The following NCOR2 variants were observed in gnomAD, a reference collection of about 807,000 sequenced individuals.
The protein encoded by NCOR2 is CTG repeat protein 26.
A neutral mutation model predicts 262.9 loss-of-function variants in NCOR2; 81 were observed. That is an observed-to-expected ratio of 0.31 (90% CI 0.26 to 0.37). The LOEUF is 0.37. NCOR2 is among the 10% of genes least tolerant of loss of function. NCOR2 has a pLI of 1.00. For missense variants in NCOR2, 3,385 were observed against 3,621.4 expected, an observed-to-expected ratio of 0.93 and a Z score of 1.68; for synonymous variants, 1,659 against 1,559.3, an observed-to-expected ratio of 1.06 and a Z score of -1.51.
intron 5 of NCOR2, among the ~76,000 whole-genome samples, chr12:124,460,240 T>C (rs2046095002): frequency 6.6e-6 from 1 of 152,230 alleles, no homozygotes; most frequent in Admixed American, 6.5e-5. Context: ...AGTGTCTGGC[T>C]CACAGTGGAT....
chr12:124,528,907 C>G (rs772765295), intron 1 of NCOR2, among the ~76,000 whole-genome samples: 1 of 152,172 alleles, frequency 6.6e-6, no homozygotes, highest in Non-Finnish European at 1.5e-5. Context: ...CCTCTGGGCG[C>G]GGTGGCTCAC....
upstream of NCOR2, among the ~76,000 whole-genome samples, chr12:124,498,128 C>G (rs1210251307): frequency 6.6e-6 from 1 of 152,238 alleles, no homozygotes; most frequent in East Asian, 1.9e-4. Flanking sequence ...GCCCCTCTTT[C>G]AAGGGCACCA....
intron 8 of NCOR2, among the ~76,000 whole-genome samples, chr12:124,433,876 ACACACACAC>A (rs2044154596): frequency 9.8e-6 from 1 of 101,608 alleles, no homozygotes; most frequent in African/African-American, 4.6e-5. Flanking sequence ...ACACACACAC[ACACACACAC>A]ACACACACAC....
At chr12:124,535,383 G>A (rs1226215227) in intron 1 of NCOR2, among the ~76,000 whole-genome samples, 182 bp downstream of exon 2, 1 of 152,206 alleles carries the variant, frequency 6.6e-6, no homozygotes, top group Non-Finnish European at 1.5e-5. Flanking sequence ...CCCGCAAACT[G>A]CCCTAAGTTG....
At chr12:124,476,448 G>C (rs1263321987) in intron 3 of NCOR2, among the ~76,000 whole-genome samples, 1 of 152,220 alleles carries the variant, frequency 6.6e-6, no homozygotes, top group Non-Finnish European at 1.5e-5. Flanking sequence ...AGAGATAACA[G>C]AGCAAGGACA....
At chr12:124,466,118 T>C (rs927574726) in intron 5 of NCOR2, 55 bp downstream of exon 7, 52 of 1,509,220 alleles carry the variant, frequency 3.4e-5, no homozygotes, top group Non-Finnish European at 6.3e-6. Context: ...GTGCCCCCTG[T>C]GAAGCGCCTC....
chr12:124,344,128 C>G (rs749629204), intron 32 of NCOR2, among the ~76,000 whole-genome samples: 2 of 152,082 alleles, frequency 1.3e-5, no homozygotes, highest in Admixed American at 6.6e-5. Flanking sequence ...CTGAATTGAC[C>G]GAGCTAAGCA....
At chr12:124,416,376 C>T (rs1324225243) in intron 13 of NCOR2, among the ~76,000 whole-genome samples, 4 of 152,230 alleles carry the variant, frequency 2.6e-5, no homozygotes, top group Admixed American at 6.5e-5. Flanking sequence ...TGAAGACACG[C>T]GCTGTCTCTC....
chr12:124,336,977 G>C (rs774145486), exon 38 of NCOR2: 229 of 1,518,630 alleles, frequency 1.5e-4, no homozygotes, highest in East Asian at 2.8e-4. Flanking sequence ...CTCCAGCCCG[G>C]AGCGGGCTGG....
intron 44 of NCOR2, among the ~76,000 whole-genome samples, chr12:124,328,222 C>T (rs56984980): frequency 3.7e-4 from 56 of 152,150 alleles, no homozygotes; most frequent in Non-Finnish European, 6.8e-4. Context: ...CGTGCAGCCC[C>T]GTACCTCCCC....
Position 124,531,920 on chromosome 12 carries a change from G to C in NCOR2, c.-118+3645C>G, listed in dbSNP as rs901082691. Among the ~76,000 whole-genome samples the C allele has an allele frequency of 4.0e-5, 6 of 150,940 alleles. No individual in the cohort carries two copies. The highest frequency in any genetic ancestry group is 8.8e-5 in the Non-Finnish European group (6 of 67,864). ...CCCAGCTGAAGAATCCACTCACAGAGTTTCGAGTCACGGGCAACCCACTTT... is the reference window on the plus strand; with the variant it reads ...CCCAGCTGAAGAATCCACTCACAGACTTTCGAGTCACGGGCAACCCACTTT... On this transcript the variant is annotated intron_variant, in intron 1 of 46. Coordinates refer to the NCOR2 transcript ENST00000404621. The surrounding 1 kb of genome is among the most constrained non-coding windows in gnomAD (Gnocchi z 4.5).
rs780828763 is a variant in NCOR2, at chr12:124,330,892, C to T, written c.6911G>A (p.Ser2304Asn). Residue 2304 changes from serine (S) to asparagine (N), a missense_variant, in exon 44 of 47, where the codon AGC becomes AAC. Coordinates refer to ENST00000405201, the Ensembl canonical transcript of NCOR2. ...ATTGAAGATCTCCGTCCCAGGCTGG[C>T]TGATATCTGGAAGCGGGTGACAGAG... is the stretch of plus-strand genomic sequence containing the variant. 7.5e-5 allele frequency: 118 copies of T among 1,581,620 alleles called. No individual in the cohort carries two copies. The highest frequency in any genetic ancestry group is 9.7e-5 in the Non-Finnish European group (113 of 1,163,430).
At chr12:124,493,154 C>T (rs755747862) in intron 1 of NCOR2, among the ~76,000 whole-genome samples, 1 of 152,218 alleles carries the variant, frequency 6.6e-6, no homozygotes, top group Non-Finnish European at 1.5e-5. Context: ...TAGGGTCAGC[C>T]AGTGACCCCG....
chr12:124,551,344 A>C (rs1181924418), intron 1 of NCOR2, among the ~76,000 whole-genome samples: 1 of 152,202 alleles, frequency 6.6e-6, no homozygotes, highest in African/African-American at 2.4e-5. Flanking sequence ...CCCCAGTAGC[A>C]AACAGGAGAG....
chr12:124,427,158 A>G (rs1365559731), intron 10 of NCOR2, among the ~76,000 whole-genome samples: 1 of 152,156 alleles, frequency 6.6e-6, no homozygotes, highest in Non-Finnish European at 1.5e-5. Context: ...GGAGCCCGGG[A>G]GACAGGCTGG....
rs368810982 is a variant in NCOR2, at chr12:124,354,084, G to T, written c.3693+9C>A. On this transcript the variant is annotated intron_variant, in intron 27 of 46. Transcript: ENST00000405201. ...AACCGTCCTTCCTGCCGCACCCCAG[G>T]ACACCTACGTGGGTGATGGAGCCGC... The T allele has an allele frequency of 3.1e-6, 5 of 1,606,014 alleles. No homozygotes were observed. In the African/African-American group the frequency reaches 5.3e-5, roughly 17 times the overall value.
chr12:124,327,271 C>T (rs1457602185), intron 45 of NCOR2, 138 bp downstream of exon 47: 5 of 717,042 alleles, frequency 7.0e-6, no homozygotes, highest in African/African-American at 3.6e-5. Flanking sequence ...AACTCCAGAA[C>T]GAGGTCAAAC....
chr12:124,366,995 A>T (rs1463691515), intron 20 of NCOR2, among the ~76,000 whole-genome samples: 1 of 152,268 alleles, frequency 6.6e-6, no homozygotes, highest in Non-Finnish European at 1.5e-5. Flanking sequence ...ATAGAAAAAT[A>T]AAATATAAAT....
At chr12:124,498,693 G>A (rs1444789053), upstream of NCOR2, among the ~76,000 whole-genome samples, 1 of 152,178 alleles carries the variant, frequency 6.6e-6, no homozygotes, top group Non-Finnish European at 1.5e-5. Context: ...ACTGGAAACA[G>A]GGACTCAAAC....
Sources: allele counts gnomAD v4.1 joint callset (sites outside exome capture counted in the v4.1 genomes callset), GRCh38; gene constraint gnomAD v4.1.1; non-coding constraint Gnocchi (gnomAD v3.1); transcripts MANE v1.5; gene names NCBI Gene and HGNC (gene_info 2026-07-23, HGNC 2026-07-21).